The following TMEM108 variants were observed in gnomAD, a reference collection of about 807,000 sequenced individuals.
TMEM108 encodes cancer/testis antigen 124.
Under a neutral mutation model 35.1 loss-of-function variants are expected in TMEM108, and 12 were observed. The ratio of observed to expected loss-of-function variants is 0.34; its 90% CI spans 0.22 to 0.55. TMEM108 has a LOEUF of 0.55. TMEM108 is among the 20% of genes least tolerant of loss of function. The pLI, the probability that TMEM108 is intolerant of heterozygous loss-of-function variation, is 0.89. For missense variants in TMEM108, 680 were observed against 753.3 expected (o/e 0.90, Z 1.14); for synonymous variants, 287 against 308.6 (o/e 0.93, Z 0.73).
intron 3 of TMEM108, among the ~76,000 whole-genome samples, chr3:133,274,332 G>A (rs1212371067): frequency 6.6e-6 from 1 of 152,230 alleles, no homozygotes; most frequent in Non-Finnish European, 1.5e-5. Context: ...GATTTAAACT[G>A]TGGCTGATGA....
intron 3 of TMEM108, among the ~76,000 whole-genome samples, chr3:133,240,149 A>G (rs1576404604): frequency 6.6e-6 from 1 of 152,174 alleles, no homozygotes; most frequent in East Asian, 1.9e-4. Flanking sequence ...ATCAAAAATT[A>G]GAGGCTGTTT....
intron 2 of TMEM108, among the ~76,000 whole-genome samples, chr3:133,163,734 G>A (rs1298219637): frequency 6.6e-6 from 1 of 152,220 alleles, no homozygotes; most frequent in Non-Finnish European, 1.5e-5. Context: ...TCACTGAGAG[G>A]TGGGAGAGTT....
intron 3 of TMEM108, 143 bp downstream of exon 3, chr3:133,229,494 A>G: frequency 1.6e-6 from 1 of 639,728 alleles, no homozygotes; most frequent in Non-Finnish European, 2.6e-6. Flanking sequence ...CATCTAGATG[A>G]AGTATCAAGC....
At chr3:133,321,138 G>C (rs1395639225) in intron 3 of TMEM108, among the ~76,000 whole-genome samples, 2 of 152,106 alleles carry the variant, frequency 1.3e-5, no homozygotes, top group African/African-American at 4.8e-5. Flanking sequence ...ACAACAACTA[G>C]TACAATGAAT....
intron 3 of TMEM108, among the ~76,000 whole-genome samples, chr3:133,256,335 C>A (rs1946545650): frequency 6.6e-6 from 1 of 152,040 alleles, no homozygotes; most frequent in Non-Finnish European, 1.5e-5. Context: ...AAAAGATATG[C>A]CTCAGGAAAA....
At chr3:133,228,731 A>G (rs1340317902) in intron 2 of TMEM108, among the ~76,000 whole-genome samples, 1 of 152,178 alleles carries the variant, frequency 6.6e-6, no homozygotes, top group African/African-American at 2.4e-5. Context: ...TATGGATAAT[A>G]TATATTTTCT....
intron 2 of TMEM108, among the ~76,000 whole-genome samples, chr3:133,175,184 C>A (rs1157081739): frequency 6.6e-6 from 1 of 152,122 alleles, no homozygotes; most frequent in East Asian, 1.9e-4. Flanking sequence ...TGTGAACAGA[C>A]CAAATTTACG....
chr3:133,103,218 T>G (rs9828805), intron 2 of TMEM108, among the ~76,000 whole-genome samples: 69,765 of 152,074 alleles, frequency 0.46, 17,610 homozygotes, highest in Non-Finnish European at 0.57. Flanking sequence ...GATAAAGAAA[T>G]TGTGTACATA....
chr3:133,157,826 C>G (rs1944902245), intron 2 of TMEM108, among the ~76,000 whole-genome samples: 1 of 152,184 alleles, frequency 6.6e-6, no homozygotes, highest in Non-Finnish European at 1.5e-5. Context: ...ATATAGCTCT[C>G]TCAGGGTGTG....
At chr3:133,367,345 G>A (rs1194265750) in intron 3 of TMEM108, among the ~76,000 whole-genome samples, 1 of 152,238 alleles carries the variant, frequency 6.6e-6, no homozygotes, top group Non-Finnish European at 1.5e-5. Context: ...ATTGATATTG[G>A]GGAGGGTGGT....
chr3:133,374,329 T>A (rs570366018), intron 3 of TMEM108, among the ~76,000 whole-genome samples: 75 of 152,174 alleles, frequency 4.9e-4, no homozygotes, highest in African/African-American at 1.8e-3. Context: ...TGATTCGCTG[T>A]TAAAAGGGTT....
At chr3:133,289,235 G>A (rs1947028318) in intron 3 of TMEM108, among the ~76,000 whole-genome samples, 1 of 151,986 alleles carries the variant, frequency 6.6e-6, no homozygotes, top group Admixed American at 6.6e-5. Flanking sequence ...ATGTACGTTT[G>A]AAATTTCTCC....
intron 3 of TMEM108, among the ~76,000 whole-genome samples, chr3:133,349,961 A>G (rs2071941360): frequency 6.6e-6 from 1 of 152,286 alleles, no homozygotes; most frequent in East Asian, 1.9e-4. Context: ...CAGTATATCA[A>G]AAGATATCTG....
intron 2 of TMEM108, among the ~76,000 whole-genome samples, chr3:133,226,447 A>G (rs1946072359): frequency 6.6e-6 from 1 of 152,224 alleles, no homozygotes; most frequent in Non-Finnish European, 1.5e-5. Context: ...AGGGCCTGCT[A>G]TCTGTCATGT....
At chr3:133,254,248 A>C (rs1019297893) in intron 3 of TMEM108, among the ~76,000 whole-genome samples, 2 of 152,224 alleles carry the variant, frequency 1.3e-5, no homozygotes, top group Non-Finnish European at 2.9e-5. Flanking sequence ...ATCTATAACA[A>C]AGGCAGCCAG....
chr3:133,300,587 A>G (rs1947207718), intron 3 of TMEM108, among the ~76,000 whole-genome samples: 1 of 152,154 alleles, frequency 6.6e-6, no homozygotes, highest in Admixed American at 6.5e-5. Flanking sequence ...ACCAGGTTTA[A>G]TGAGGACGCA....
At chr3:133,168,590 C>T (rs767119810) in intron 2 of TMEM108, among the ~76,000 whole-genome samples, 12 of 152,060 alleles carry the variant, frequency 7.9e-5, no homozygotes, top group South Asian at 2.1e-4. Flanking sequence ...CTCTGTAAAA[C>T]GGACCAATCA....
intron 5 of TMEM108, among the ~76,000 whole-genome samples, chr3:133,394,393 C>T (rs1023176388): frequency 1.3e-5 from 2 of 152,232 alleles, no homozygotes; most frequent in Admixed American, 1.3e-4. Context: ...TGGAAACTTC[C>T]ATTCTTTTTT....
intron 2 of TMEM108, among the ~76,000 whole-genome samples, chr3:133,199,780 A>G (rs149321884): frequency 0.011 from 1,724 of 152,014 alleles, 19 homozygotes; most frequent in Non-Finnish European, 0.012. Context: ...GAGAACCACT[A>G]CTCTCTTCAA....
Sources: allele counts gnomAD v4.1 joint callset (sites outside exome capture counted in the v4.1 genomes callset), GRCh38; gene constraint gnomAD v4.1.1; transcripts MANE v1.5; gene names NCBI Gene and HGNC (gene_info 2026-07-23, HGNC 2026-07-21).